The following MICAL2 variants were observed in gnomAD, a reference collection of about 807,000 sequenced individuals.
MICAL2 encodes the protein [F-actin]-monooxygenase MICAL2.
Under a neutral mutation model 127.3 loss-of-function variants are expected in MICAL2, and 77 were observed. The observed-to-expected ratio is 0.60, with a 90% CI of 0.50 to 0.73. The LOEUF is 0.73. Among genes scored for constraint, MICAL2 ranks in the 30% least tolerant of loss-of-function variants. MICAL2 has a pLI of 0.00. For missense variants in MICAL2, 1,351 were observed against 1,434.4 expected, an observed-to-expected ratio of 0.94 and a Z score of 0.94; for synonymous variants, 570 against 551.1, an observed-to-expected ratio of 1.03 and a Z score of -0.48.
chr11:12,358,528 C>T, downstream of MICAL2: 1 of 1,563,460 alleles, frequency 6.4e-7, no homozygotes. Context: ...CCGGATCAGG[C>T]CAAGTGCACC....
At chr11:12,133,964 G>A (rs1851630700) in intron 1 of MICAL2, among the ~76,000 whole-genome samples, 1 of 152,250 alleles carries the variant, frequency 6.6e-6, no homozygotes, top group Non-Finnish European at 1.5e-5. Flanking sequence ...AATGGGCTGT[G>A]TGAGGAAAAG....
chr11:12,356,976 A>G (rs530779107), intron 34 of MICAL2, among the ~76,000 whole-genome samples: 2 of 152,342 alleles, frequency 1.3e-5, no homozygotes, highest in East Asian at 3.9e-4. Context: ...ATATGACATT[A>G]CCTGTCCCCT....
At chr11:12,168,946 C>CAAAAAAAAAAA (rs66469229) in intron 3 of MICAL2, among the ~76,000 whole-genome samples, 3 of 115,206 alleles carry the variant, frequency 2.6e-5, no homozygotes, top group African/African-American at 1.1e-4. Context: ...GATCCTGTCT[C>CAAAAAAAAAAA]AAAAAAAAAA....
intron 3 of MICAL2, among the ~76,000 whole-genome samples, chr11:12,191,471 C>CAAA (rs35378255): frequency 1.2e-3 from 165 of 133,496 alleles, no homozygotes; most frequent in South Asian, 1.7e-3. Flanking sequence ...GACTATGTCT[C>CAAA]AAAAAAAAAA....
At chr11:12,136,267 G>A (rs7102414) in intron 1 of MICAL2, among the ~76,000 whole-genome samples, 89,724 of 152,048 alleles carry the variant, frequency 0.59, 27,057 homozygotes, top group South Asian at 0.71. Context: ...GTGTCAGGGA[G>A]TGAGCATGGG....
In MICAL2 at chr11:12,148,623, T is replaced by A. The variant is rs1037618591; in HGVS notation, c.-78+10163T>A. Among the ~76,000 whole-genome samples, 8 of 152,198 alleles carry A rather than the reference T, an allele frequency of 5.3e-5. No homozygotes were observed. In the South Asian group the frequency reaches 1.4e-3, roughly 28 times the overall value. ...CTGAATTGTGTGCGATACTCTTGAT[T>A]TGATTGTATCTACCAGTGGTGGTTA... On this transcript the variant is annotated intron_variant, in intron 2 of 27. Coordinates refer to ENST00000683283, the MANE Select transcript of MICAL2 (RefSeq NM_001282663.2).
chr11:12,213,165 G>A (rs1855718113), intron 6 of MICAL2, 90 bp from the exon 7 acceptor site: 6 of 1,417,112 alleles, frequency 4.2e-6, no homozygotes, highest in Admixed American at 2.2e-5. Flanking sequence ...TGGCCTGGGA[G>A]GCATCTGGGA....
rs141382782 is a variant in MICAL2, at chr11:12,162,275, C to A, written c.120C>A (p.Asp40Glu). 274 of 1,614,120 alleles carry A rather than the reference C, an allele frequency of 1.7e-4. No homozygotes were observed. The highest frequency in any genetic ancestry group is 2.3e-4 in the Non-Finnish European group (267 of 1,180,058). Residue 40 changes from aspartate to glutamate, a missense_variant, in exon 3 of 28, where the codon GAC (aspartate) becomes GAA (glutamate). By Grantham distance (45) the Asp-to-Glu change is conservative (BLOSUM62 2). Around this residue, in one of 2 missense-constraint regions of MICAL2, gnomAD observed 599 missense variants for 714.9 expected, o/e 0.84. Transcript: ENST00000683283. The stretch of plus-strand genomic sequence containing the variant: ...TCAACATTCTCACACGACACCTGGA[C>A]CTAGACCCTCTGGACCACAGAAACT... ...QAFNILTRHL[D>E]LDPLDHRNFY...
chr11:12,333,234 G>A (rs1938682577), intron 32 of MICAL2, among the ~76,000 whole-genome samples: 1 of 152,056 alleles, frequency 6.6e-6, no homozygotes, highest in South Asian at 2.1e-4. Flanking sequence ...TTTAAATCTG[G>A]CAATCTAAGG....
In MICAL2 at chr11:12,255,596, T is replaced by G. The variant is rs997515463; in HGVS notation, c.2848-47T>G. On this transcript the variant is annotated intron_variant, in intron 22 of 27. Transcript: ENST00000683283. ...TTGTGTTTTCCTCCTGGGTGCTAACTGGCCTCTACCTTTGTCTCTGTCTCC... is the reference window on the plus strand; with the variant it reads ...TTGTGTTTTCCTCCTGGGTGCTAACGGGCCTCTACCTTTGTCTCTGTCTCC... 4 of 1,559,408 alleles carry G rather than the reference T, an allele frequency of 2.6e-6. No homozygotes were observed. In the African/African-American group the frequency reaches 5.4e-5, roughly 21 times the overall value.
At chr11:12,261,063 C>A in intron 26 of MICAL2, 2 of 985,562 alleles carry the variant, frequency 2.0e-6, no homozygotes, top group Non-Finnish European at 2.4e-6. Context: ...TGAGCCAAGG[C>A]TGTGCAGGGT....
chr11:12,313,659 A>T (rs991280373), intron 29 of MICAL2, among the ~76,000 whole-genome samples: 2 of 152,152 alleles, frequency 1.3e-5, no homozygotes, highest in African/African-American at 2.4e-5. Context: ...TTGCTTATCA[A>T]TTAGGTCAAA....
At chr11:12,300,640 C>A (rs535026671) in intron 29 of MICAL2, among the ~76,000 whole-genome samples, 1 of 152,078 alleles carries the variant, frequency 6.6e-6, no homozygotes, top group Non-Finnish European at 1.5e-5. Flanking sequence ...GAAAACAGAC[C>A]CTATGCCCTC....
intron 2 of MICAL2, among the ~76,000 whole-genome samples, chr11:12,154,291 C>G (rs1404887508): frequency 6.6e-6 from 1 of 152,114 alleles, no homozygotes; most frequent in Admixed American, 6.5e-5. Flanking sequence ...TGCTGTGTAG[C>G]CACACAAGGG....
In MICAL2 at chr11:12,301,836, G is replaced by A. The variant is rs142146915; in HGVS notation, c.5212+6979G>A. ...TGGGAGACAGTGGCCCTATCCTTCC[G>A]ATGATTCCATTTCAAAGGAATGGCT... On this transcript the variant is annotated intron_variant, in intron 29 of 34. Coordinates refer to the MICAL2 transcript ENST00000646065. 2.1e-3 allele frequency among the ~76,000 whole-genome samples: 324 copies of A among 152,192 alleles called. 2 individuals are homozygous for A. The highest frequency in any genetic ancestry group is 7.4e-3 in the African/African-American group (306 of 41,524).
At chr11:12,343,140 G>A (rs1011181079) in intron 32 of MICAL2, among the ~76,000 whole-genome samples, 5 of 152,148 alleles carry the variant, frequency 3.3e-5, no homozygotes, top group African/African-American at 7.2e-5. Context: ...GGGCGCCGTG[G>A]CTCACACCTG....
At chr11:12,300,556 T>C (rs1004070666) in intron 29 of MICAL2, among the ~76,000 whole-genome samples, 2 of 152,086 alleles carry the variant, frequency 1.3e-5, no homozygotes, top group Non-Finnish European at 2.9e-5. Flanking sequence ...GTAGTAAATT[T>C]GCTGTGGTGT....
intron 21 of MICAL2, among the ~76,000 whole-genome samples, chr11:12,244,907 A>C (rs1488229153): frequency 2.6e-5 from 4 of 152,160 alleles, no homozygotes; most frequent in Non-Finnish European, 4.4e-5. Context: ...TGCAGGATCT[A>C]CTCTGTGTTC....
chr11:12,149,260 G>A (rs1004445772), intron 2 of MICAL2, among the ~76,000 whole-genome samples: 4 of 152,188 alleles, frequency 2.6e-5, no homozygotes, highest in Non-Finnish European at 5.9e-5. Flanking sequence ...GAAGTGATGA[G>A]AGTAGAGGCT....
Sources: allele counts gnomAD v4.1 joint callset (sites outside exome capture counted in the v4.1 genomes callset), GRCh38; gene constraint gnomAD v4.1.1; regional missense constraint gnomAD v4.1.1; transcripts MANE v1.5; gene names NCBI Gene and HGNC (gene_info 2026-07-23, HGNC 2026-07-21).